NKAIN3: variants seen among roughly 807,000 people sequenced by gnomAD.
NKAIN3 encodes the protein sodium/potassium transporting ATPase interacting 3, also known as sodium/potassium-transporting ATPase subunit beta-1-interacting protein 3.
In NKAIN3, 25 loss-of-function variants were observed where a neutral mutation model predicts 30.2. The observed-to-expected ratio is 0.83, with a 90% CI of 0.60 to 1.16. The LOEUF (loss-of-function observed/expected upper bound fraction) is 1.16, where lower values mean the gene tolerates loss of function less well. NKAIN3 is among the 50% of genes most tolerant of loss of function. The probability of loss-of-function intolerance (pLI) is 0.00; values close to 1 mark genes in which losing one functional copy is unlikely to be tolerated. For missense variants in NKAIN3, 225 were observed against 254.1 expected (o/e 0.89, Z 0.78); for synonymous variants, 91 against 89.6 (o/e 1.02, Z -0.09).
intron 4 of NKAIN3, among the ~76,000 whole-genome samples, chr8:62,882,346 G>T (rs1250771308): frequency 1.3e-5 from 2 of 151,972 alleles, no homozygotes; most frequent in Admixed American, 6.6e-5. Context: ...TGAGACGGAA[G>T]CTCGCTCTGT....
intron 1 of NKAIN3, among the ~76,000 whole-genome samples, chr8:62,406,244 A>G (rs1563384103): frequency 6.6e-6 from 1 of 152,214 alleles, no homozygotes; most frequent in South Asian, 2.1e-4. Flanking sequence ...GTTCATGCAT[A>G]TAATTTCATT....
chr8:62,949,497 A>G (rs1287400169), intron 5 of NKAIN3, among the ~76,000 whole-genome samples: 2 of 152,322 alleles, frequency 1.3e-5, no homozygotes, highest in East Asian at 1.9e-4. Context: ...CCACAAAGAT[A>G]TTCTGTTACA....
chr8:62,771,380 C>T (rs1817004227), intron 4 of NKAIN3, among the ~76,000 whole-genome samples: 1 of 151,748 alleles, frequency 6.6e-6, no homozygotes, highest in Non-Finnish European at 1.5e-5. Context: ...TTGAAAATTA[C>T]AATAAATTGA....
At chr8:62,297,243 A>AT (rs1813861334) in intron 1 of NKAIN3, among the ~76,000 whole-genome samples, 1 of 152,236 alleles carries the variant, frequency 6.6e-6, no homozygotes, top group Non-Finnish European at 1.5e-5. Context: ...AGGCATTACC[A>AT]TTCAGGACAT....
intron 1 of NKAIN3, among the ~76,000 whole-genome samples, chr8:62,530,610 G>A (rs777296996): frequency 2.0e-4 from 31 of 151,906 alleles, no homozygotes; most frequent in African/African-American, 5.8e-4. Flanking sequence ...TGGTACATAC[G>A]TATGTATGTA....
At chr8:62,723,014 C>T (rs1353035818) in intron 3 of NKAIN3, among the ~76,000 whole-genome samples, 1 of 152,120 alleles carries the variant, frequency 6.6e-6, no homozygotes, top group Non-Finnish European at 1.5e-5. Flanking sequence ...TTAATCAGAA[C>T]TGTTTCCAGC....
intron 5 of NKAIN3, among the ~76,000 whole-genome samples, chr8:62,932,888 G>C (rs1822662598): frequency 6.6e-6 from 1 of 151,826 alleles, no homozygotes; most frequent in African/African-American, 2.4e-5. Context: ...CAAGCACCCG[G>C]CTGGAGAATT....
intron 1 of NKAIN3, among the ~76,000 whole-genome samples, chr8:62,320,091 C>G (rs544606178): frequency 6.6e-6 from 1 of 152,180 alleles, no homozygotes; most frequent in South Asian, 2.1e-4. Context: ...ATGTAATGGC[C>G]TTCTTTGTCT....
rs575078096 is a variant in NKAIN3, at chr8:62,483,743, G to A, written c.55-95796G>A. The A allele has an allele frequency of 3.0e-5, 9 of 299,922 alleles. No homozygotes were observed. The South Asian group carries it at 3.1e-4, about 10-fold the overall frequency. The allele number at this position is 299,922 out of a possible 1,614,324, so 18.6% of individuals were successfully genotyped here. A position where few individuals can be genotyped will look rare whatever the true frequency, so the allele number is the denominator to read the frequency against. On this transcript the variant is annotated intron_variant, in intron 1 of 6. Transcript: ENST00000623646. Reference sequence around the variant, plus strand: ...TTAGCTTCTTCAACCTGGATGTTGCGGGAGGCTTTCATTCCGCATTTGCAG... The same window carrying A: ...TTAGCTTCTTCAACCTGGATGTTGCAGGAGGCTTTCATTCCGCATTTGCAG...
At chr8:62,494,037 C>G (rs1317550559) in intron 1 of NKAIN3, among the ~76,000 whole-genome samples, 1 of 152,114 alleles carries the variant, frequency 6.6e-6, no homozygotes, top group African/African-American at 2.4e-5. Flanking sequence ...CCTGATTGCT[C>G]TGGCCACGAC....
At chr8:62,637,530 C>G (rs940264868) in intron 3 of NKAIN3, among the ~76,000 whole-genome samples, 2 of 152,146 alleles carry the variant, frequency 1.3e-5, no homozygotes, top group Non-Finnish European at 2.9e-5. Flanking sequence ...TTCTCTTTAT[C>G]TGTATTTAGT....
At chr8:62,900,828 T>G (rs181614378) in intron 4 of NKAIN3, among the ~76,000 whole-genome samples, 48 of 152,244 alleles carry the variant, frequency 3.2e-4, no homozygotes, top group African/African-American at 9.9e-4. Flanking sequence ...TAAACTGAGA[T>G]CTCTCTGACC....
intron 4 of NKAIN3, among the ~76,000 whole-genome samples, chr8:62,840,364 T>A (rs1210393920): frequency 1.3e-5 from 2 of 150,396 alleles, no homozygotes; most frequent in East Asian, 2.0e-4. Context: ...AAAAAAAAAA[T>A]TAACAGTAAA....
At chr8:62,784,975 T>A (rs2130659771) in intron 4 of NKAIN3, among the ~76,000 whole-genome samples, 1 of 152,316 alleles carries the variant, frequency 6.6e-6, no homozygotes, top group East Asian at 1.9e-4. Flanking sequence ...TGGGTGAAGA[T>A]GTAGAGAAAT....
intron 1 of NKAIN3, among the ~76,000 whole-genome samples, chr8:62,485,662 G>A (rs1806877011): frequency 6.6e-6 from 1 of 152,218 alleles, no homozygotes; most frequent in South Asian, 2.1e-4. Context: ...CAGCAGTGCT[G>A]AGGACGGGGT....
rs2130913610 is a variant in NKAIN3, at chr8:62,970,658, A to T, written c.*5251A>T. 6.6e-6 allele frequency among the ~76,000 whole-genome samples: 1 copy of T among 152,330 alleles called. No individual in the cohort carries two copies. The highest frequency in any genetic ancestry group is 1.5e-5 in the Non-Finnish European group (1 of 68,022). ...AATGGAGAGAAGATGAGGAAGAGAA[A>T]GAGAAAGAAAGGGAATGGACAAGGA... On this transcript the variant is annotated 3_prime_UTR_variant, in exon 7 of 7. Transcript: ENST00000623646.
chr8:62,966,471 T>C lies in NKAIN3; in HGVS notation c.*1064T>C, dbSNP rs1585631082. On this transcript the variant is annotated 3_prime_UTR_variant, in exon 7 of 7. Coordinates refer to ENST00000623646, the MANE Select transcript of NKAIN3 (RefSeq NM_001304533.3). ...TTACATATGGTAAAATGCACAAATA[T>C]TAATGGTACGATTTGATTAGTTTTG... The C allele has an allele frequency of 1.3e-6, 1 of 763,502 alleles. No individual in the cohort carries two copies. The highest frequency in any genetic ancestry group is 1.6e-6 in the Non-Finnish European group (1 of 627,220). 47.3% of individuals were successfully genotyped at this position (763,502 alleles called of 1,614,324 possible). A position where few individuals can be genotyped will look rare whatever the true frequency, so the allele number is the denominator to read the frequency against.
chr8:62,400,127 G>A (rs1027793643), intron 1 of NKAIN3, among the ~76,000 whole-genome samples: 4 of 150,346 alleles, frequency 2.7e-5, no homozygotes, highest in African/African-American at 9.8e-5. Flanking sequence ...AGGCTAGTCA[G>A]TTGTGAGAGT....
At chr8:62,863,505 G>A in intron 4 of NKAIN3, 1 of 1,501,504 alleles carries the variant, frequency 6.7e-7, no homozygotes, top group Non-Finnish European at 9.2e-7. Flanking sequence ...CTGGGTGGGA[G>A]GCCTTGATAG....
Sources: gnomAD v4.1 joint callset for allele counts (sites outside exome capture counted in the v4.1 genomes callset) on GRCh38, gnomAD v4.1.1 for gene constraint, MANE v1.5 for transcripts, NCBI Gene and HGNC (gene_info 2026-07-23, HGNC 2026-07-21) for gene names.